The following ATP8A1 variants were observed in gnomAD, a reference collection of about 807,000 sequenced individuals.
ATP8A1 encodes ATPase phospholipid transporting 8A1.
A neutral mutation model predicts 177.7 loss-of-function variants in ATP8A1; 90 were observed. That is an observed-to-expected ratio of 0.51 (90% CI 0.43 to 0.60). The LOEUF is 0.60. Among genes scored for constraint, ATP8A1 ranks in the 20% least tolerant of loss-of-function variants. The pLI is 0.00. For missense variants in ATP8A1, 1,072 were observed against 1,392.8 expected (o/e 0.77, Z 3.67); for synonymous variants, 493 against 485.9 (o/e 1.01, Z -0.19).
intron 22 of ATP8A1, among the ~76,000 whole-genome samples, chr4:42,519,797 A>G (rs1332656089): frequency 6.6e-6 from 1 of 152,232 alleles, no homozygotes; most frequent in Admixed American, 6.5e-5. Context: ...CTTACTATGA[A>G]GTGAAGACAA....
intron 31 of ATP8A1, 92 bp from the exon 32 acceptor site, chr4:42,444,726 T>C (rs2153174983): frequency 3.1e-6 from 4 of 1,279,518 alleles, no homozygotes; most frequent in Non-Finnish European, 3.3e-6. Context: ...GATCTCTGAA[T>C]GTAACTATGG....
intron 11 of ATP8A1, among the ~76,000 whole-genome samples, chr4:42,579,370 A>C (rs900967644): frequency 6.2e-5 from 9 of 145,450 alleles, no homozygotes; most frequent in Non-Finnish European, 1.4e-4. Flanking sequence ...TTAAGATAAA[A>C]TATATTTAAA....
At chr4:42,584,488 G>A (rs887887712) in intron 9 of ATP8A1, among the ~76,000 whole-genome samples, 4 of 152,240 alleles carry the variant, frequency 2.6e-5, no homozygotes, top group South Asian at 2.1e-4. Flanking sequence ...ATATGTTAGT[G>A]GTCAGTCTCA....
chr4:42,582,252 A>C (rs1051694033), intron 9 of ATP8A1, among the ~76,000 whole-genome samples: 1 of 152,190 alleles, frequency 6.6e-6, no homozygotes, highest in African/African-American at 2.4e-5. Context: ...AAATGTGAGA[A>C]AAATAAATTT....
chr4:42,466,266 C>G (rs1245645717), intron 25 of ATP8A1, among the ~76,000 whole-genome samples: 2 of 152,148 alleles, frequency 1.3e-5, no homozygotes, highest in African/African-American at 4.8e-5. Flanking sequence ...AATTATTTAT[C>G]AAGGTTATGT....
At chr4:42,440,498 C>T (rs1241649447) in intron 33 of ATP8A1, among the ~76,000 whole-genome samples, 1 of 152,064 alleles carries the variant, frequency 6.6e-6, no homozygotes, top group East Asian at 1.9e-4. Flanking sequence ...TATGGTCTGC[C>T]CCCTTGCACT....
intron 33 of ATP8A1, among the ~76,000 whole-genome samples, chr4:42,439,976 T>C (rs1325759898): frequency 6.6e-6 from 1 of 152,214 alleles, no homozygotes; most frequent in Non-Finnish European, 1.5e-5. Flanking sequence ...TCCTAACTTC[T>C]CTGTGCCTCA....
intron 25 of ATP8A1, among the ~76,000 whole-genome samples, chr4:42,466,175 A>G (rs1288437922): frequency 6.6e-6 from 1 of 152,234 alleles, no homozygotes; most frequent in Admixed American, 6.5e-5. Flanking sequence ...AATTGTTCTA[A>G]CAAACAGTTA....
At chr4:42,501,885 C>T (rs545036634) in intron 24 of ATP8A1, among the ~76,000 whole-genome samples, 10 of 152,180 alleles carry the variant, frequency 6.6e-5, no homozygotes, top group Non-Finnish European at 8.8e-5. Context: ...TGTTAGAATG[C>T]CTGGCAGTCT....
chr4:42,481,523 A>G (rs1721669896), intron 25 of ATP8A1, among the ~76,000 whole-genome samples: 1 of 152,244 alleles, frequency 6.6e-6, no homozygotes, highest in South Asian at 2.1e-4. Context: ...GAATCTCTAG[A>G]TAAAATGCTT....
chr4:42,506,092 TC>T (rs1227566473), intron 23 of ATP8A1, among the ~76,000 whole-genome samples: 1 of 152,102 alleles, frequency 6.6e-6, no homozygotes, highest in Non-Finnish European at 1.5e-5. Context: ...TTGGACATAG[TC>T]TTTAAGGAGG....
intron 9 of ATP8A1, 135 bp from the exon 10 acceptor site, chr4:42,581,867 C>A (rs1435138147): frequency 1.5e-6 from 1 of 654,326 alleles, no homozygotes; most frequent in Non-Finnish European, 2.6e-6. Flanking sequence ...AATTTCCCCC[C>A]AGTACAAATA....
intron 14 of ATP8A1, among the ~76,000 whole-genome samples, chr4:42,571,128 A>G (rs1287006897): frequency 1.3e-5 from 2 of 152,230 alleles, no homozygotes; most frequent in African/African-American, 2.4e-5. Context: ...GCAGTAAGAT[A>G]AACATGGCTG....
At chr4:42,648,103 A>G (rs943718198) in intron 1 of ATP8A1, among the ~76,000 whole-genome samples, 7 of 152,254 alleles carry the variant, frequency 4.6e-5, no homozygotes, top group African/African-American at 1.7e-4. Flanking sequence ...ACTCAATATA[A>G]GAAAGATGCC....
intron 33 of ATP8A1, among the ~76,000 whole-genome samples, chr4:42,425,461 T>C (rs938338819): frequency 4.6e-5 from 7 of 152,122 alleles, no homozygotes; most frequent in African/African-American, 1.7e-4. Flanking sequence ...TCTGAAAGCC[T>C]GTCAGTTTTT....
intron 10 of ATP8A1, among the ~76,000 whole-genome samples, chr4:42,581,060 T>C (rs992036804): frequency 2.0e-5 from 3 of 152,226 alleles, no homozygotes; most frequent in Admixed American, 2.0e-4. Flanking sequence ...CATAGACCCA[T>C]ACACAAAATT....
intron 1 of ATP8A1, among the ~76,000 whole-genome samples, chr4:42,649,083 A>G (rs1740833336): frequency 6.6e-6 from 1 of 152,224 alleles, no homozygotes; most frequent in African/African-American, 2.4e-5. Flanking sequence ...AGAAAGGTGT[A>G]CAAAAAGATA....
At chr4:42,461,244 C>CTTTTTTTTTTTTTTTTTTTTTTTTTT in intron 27 of ATP8A1, among the ~76,000 whole-genome samples, 1 of 84,544 alleles carries the variant, frequency 1.2e-5, no homozygotes, top group Non-Finnish European at 2.3e-5. Context: ...TCAATTTTTT[C>CTTTTTTTTTTTTTTTTTTTTTTTTTT]TTTCTTTTTT....
rs1728050134 is a variant in ATP8A1, at chr4:42,538,373, C to A, written c.1722+5544G>T. Among the ~76,000 whole-genome samples, 3 of 152,122 alleles carry A rather than the reference C, an allele frequency of 2.0e-5. No homozygotes were observed. In the South Asian group the frequency reaches 6.2e-4, roughly 31 times the overall value. On this transcript the variant is annotated intron_variant, in intron 20 of 36. Transcript: ENST00000381668. The stretch of plus-strand genomic sequence containing the variant: ...ACTGGCTTAGGCAAAGACTTCATGA[C>A]CAAGATCCCAAAAGCAAATGCAACA...
Sources: gnomAD v4.1 joint callset for allele counts (sites outside exome capture counted in the v4.1 genomes callset) on GRCh38, gnomAD v4.1.1 for gene constraint, MANE v1.5 for transcripts, NCBI Gene and HGNC (gene_info 2026-07-23, HGNC 2026-07-21) for gene names.